The following GHR variants were observed in gnomAD, a reference collection of about 807,000 sequenced individuals.
The protein encoded by GHR is growth hormone receptor.
GHR carries 35 observed loss-of-function variants against 67.1 expected under a neutral mutation model. The ratio of observed to expected loss-of-function variants is 0.52; its 90% CI spans 0.40 to 0.69. The LOEUF (loss-of-function observed/expected upper bound fraction) is 0.69. Ranked by LOEUF, GHR falls within the 30% of genes least tolerant of loss-of-function variation. The pLI is 0.00. For missense variants in GHR, 792 were observed against 764.6 expected, an observed-to-expected ratio of 1.04 and a Z score of -0.42; for synonymous variants, 272 against 269.1, an observed-to-expected ratio of 1.01 and a Z score of -0.10.
rs962540141 is a variant in GHR at position 42,424,423 on chromosome 5, C to A, written c.-12+468C>A. On this transcript the variant is annotated intron_variant, in intron 1 of 9. Coordinates refer to ENST00000230882, the MANE Select transcript of GHR (RefSeq NM_000163.5). This position sits in a 1 kb window ranked among gnomAD's most constrained non-coding sequence, Gnocchi z 4.1. Reference sequence around the variant, plus strand: ...GGAACTGCCGAGGCTGCTGCTGTTGCGCGGGGAAGAATCCCCGGCAGCGCG... The same window carrying A: ...GGAACTGCCGAGGCTGCTGCTGTTGAGCGGGGAAGAATCCCCGGCAGCGCG... 8.1e-6 allele frequency: 5 copies of A among 619,210 alleles called. No homozygotes were observed. The highest frequency in any genetic ancestry group is 1.9e-5 in the South Asian group (1 of 53,064). The allele number at this position is 619,210 out of a possible 1,614,324, so 38.4% of individuals were successfully genotyped here.
chr5:42,699,181 A>G (rs1422150242), intron 5 of GHR, among the ~76,000 whole-genome samples: 1 of 152,222 alleles, frequency 6.6e-6, no homozygotes, highest in Admixed American at 6.5e-5. Flanking sequence ...GTGTGCAGGA[A>G]GATTGTATGA....
chr5:42,443,611 GGT>G (rs750169625), intron 1 of GHR, among the ~76,000 whole-genome samples: 10 of 150,480 alleles, frequency 6.6e-5, no homozygotes, highest in East Asian at 3.9e-4. Flanking sequence ...GGACCAGTAG[GGT>G]GTGTGTGTGT....
chr5:42,571,828 C>G (rs896224855), intron 2 of GHR, among the ~76,000 whole-genome samples: 1 of 152,116 alleles, frequency 6.6e-6, no homozygotes, highest in Non-Finnish European at 1.5e-5. Context: ...AATTGTGGCT[C>G]TTGTTATGGG....
intron 2 of GHR, among the ~76,000 whole-genome samples, chr5:42,606,423 G>A (rs897729122): frequency 2.0e-5 from 3 of 152,140 alleles, no homozygotes; most frequent in Non-Finnish European, 2.9e-5. Flanking sequence ...TTCCAGTGAG[G>A]GCTTCAGGCT....
intron 3 of GHR, among the ~76,000 whole-genome samples, chr5:42,680,845 T>C (rs1756827468): frequency 2.0e-5 from 1 of 49,224 alleles, no homozygotes; most frequent in Admixed American, 2.3e-4. Context: ...TGTCTTTCTA[T>C]TATTATTATT....
chr5:42,491,010 C>T (rs890182281), intron 1 of GHR, among the ~76,000 whole-genome samples: 2 of 152,182 alleles, frequency 1.3e-5, no homozygotes, highest in African/African-American at 2.4e-5. Flanking sequence ...TTCTAACATC[C>T]GCTGAGGATT....
chr5:42,546,888 T>C (rs1748758028), intron 1 of GHR, among the ~76,000 whole-genome samples: 1 of 151,970 alleles, frequency 6.6e-6, no homozygotes, highest in South Asian at 2.1e-4. Flanking sequence ...AGAGATAACA[T>C]CAAAAGATGA....
intron 3 of GHR, among the ~76,000 whole-genome samples, chr5:42,644,795 A>G (rs1172006610): frequency 6.6e-6 from 1 of 152,162 alleles, no homozygotes; most frequent in Non-Finnish European, 1.5e-5. Flanking sequence ...ATGAACATAT[A>G]GGAATTAATT....
Position 42,695,284 on chromosome 5 carries a change from CAT to C in GHR, c.439+197_439+198del, listed in dbSNP as rs1342419882. Among the ~76,000 whole-genome samples, 3 of 152,176 alleles carry C rather than the reference CAT, an allele frequency of 2.0e-5. No individual in the cohort carries two copies. The East Asian group carries it at 5.8e-4, about 29-fold the overall frequency. ...CAGGGGGAACTTAAGTTGACTTTAA[CAT>C]AAAGTAGCCTGGCAGTAAATGTTGT... On this transcript the variant is annotated intron_variant, in intron 5 of 9. Coordinates refer to ENST00000230882, the MANE Select transcript of GHR (RefSeq NM_000163.5).
intron 3 of GHR, among the ~76,000 whole-genome samples, chr5:42,686,775 G>T (rs1400177263): frequency 6.6e-6 from 1 of 152,112 alleles, no homozygotes; most frequent in East Asian, 1.9e-4. Context: ...CATAAGAAAA[G>T]AATGCCCTCT....
chr5:42,499,821 A>G (rs6885346), intron 1 of GHR, among the ~76,000 whole-genome samples: 1,786 of 152,342 alleles, frequency 0.012, 37 homozygotes, highest in African/African-American at 0.04. Context: ...ATGAAATGCC[A>G]TAAGTGTAAC....
chr5:42,505,836 C>T (rs1273726781), intron 1 of GHR, among the ~76,000 whole-genome samples: 2 of 152,058 alleles, frequency 1.3e-5, no homozygotes, highest in Non-Finnish European at 2.9e-5. Context: ...ATTAGAAGGT[C>T]TGGGTTATAA....
chr5:42,494,609 A>G (rs1486192825), intron 1 of GHR, among the ~76,000 whole-genome samples: 3 of 152,130 alleles, frequency 2.0e-5, no homozygotes, highest in African/African-American at 7.2e-5. Context: ...GCTATGAGTC[A>G]GCCACAGGCA....
At chr5:42,447,680 C>T (rs1461373370) in intron 1 of GHR, among the ~76,000 whole-genome samples, 2 of 137,838 alleles carry the variant, frequency 1.5e-5, no homozygotes, top group Admixed American at 1.4e-4. Context: ...TTGTTTTCTC[C>T]CTCCCTCCCT....
intron 1 of GHR, among the ~76,000 whole-genome samples, chr5:42,545,412 G>A (rs1165368439): frequency 2.0e-5 from 3 of 151,894 alleles, no homozygotes; most frequent in Non-Finnish European, 2.9e-5. Flanking sequence ...GCATGTTTTC[G>A]GTTTTCTTTA....
chr5:42,488,020 C>A (rs959704157), intron 1 of GHR, among the ~76,000 whole-genome samples: 1 of 152,068 alleles, frequency 6.6e-6, no homozygotes, highest in African/African-American at 2.4e-5. Flanking sequence ...TTTGCTCTTG[C>A]CTCCCACTGC....
intron 3 of GHR, among the ~76,000 whole-genome samples, chr5:42,669,458 A>G (rs1756163098): frequency 6.6e-6 from 1 of 152,214 alleles, no homozygotes; most frequent in East Asian, 1.9e-4. Flanking sequence ...AGACTTCATT[A>G]GCTTCAGATA....
intron 1 of GHR, among the ~76,000 whole-genome samples, chr5:42,481,777 C>T (rs1048538846): frequency 5.9e-5 from 9 of 152,182 alleles, no homozygotes; most frequent in African/African-American, 2.2e-4. Flanking sequence ...TCTAGTTATA[C>T]ATTCATCTAA....
intron 1 of GHR, among the ~76,000 whole-genome samples, chr5:42,426,943 G>A (rs141895659): frequency 6.6e-6 from 1 of 152,222 alleles, no homozygotes; most frequent in African/African-American, 2.4e-5. Context: ...TCATTGGTCA[G>A]TCCATTCTAG....
Sources: gnomAD v4.1 joint callset for allele counts (sites outside exome capture counted in the v4.1 genomes callset) on GRCh38, gnomAD v4.1.1 for gene constraint, Gnocchi (gnomAD v3.1) non-coding constraint, MANE v1.5 for transcripts, NCBI Gene and HGNC (gene_info 2026-07-23, HGNC 2026-07-21) for gene names.